The following NTM variants were observed in gnomAD, a reference collection of about 807,000 sequenced individuals.
NTM encodes the protein IgLON family member 2.
NTM carries 13 observed loss-of-function variants against 42.1 expected under a neutral mutation model. That is an observed-to-expected ratio of 0.31 (90% CI 0.20 to 0.49). NTM has a LOEUF of 0.49. NTM is among the 20% of genes least tolerant of loss of function. NTM has a pLI of 0.99. For synonymous variants in NTM, 187 were observed against 179.2 expected, an observed-to-expected ratio of 1.04 and a Z score of -0.35; for missense variants, 373 against 452.8, an observed-to-expected ratio of 0.82 and a Z score of 1.60.
intron 2 of NTM, among the ~76,000 whole-genome samples, chr11:132,025,916 G>A (rs1261063197): frequency 2.0e-5 from 3 of 152,114 alleles, no homozygotes; most frequent in Non-Finnish European, 4.4e-5. Context: ...TTTGCATAAA[G>A]TACAGACAAA....
intron 4 of NTM, among the ~76,000 whole-genome samples, chr11:132,226,299 A>G (rs1283508429): frequency 6.6e-6 from 1 of 152,198 alleles, no homozygotes; most frequent in Non-Finnish European, 1.5e-5. Context: ...TGTCTTGCAC[A>G]ATGGTTGAAC....
intron 2 of NTM, among the ~76,000 whole-genome samples, chr11:132,104,837 C>A (rs2136631980): frequency 6.8e-6 from 1 of 147,964 alleles, no homozygotes; most frequent in African/African-American, 2.5e-5. Flanking sequence ...CCTGAGAGGT[C>A]AAGGCTGCAG....
intron 1 of NTM, among the ~76,000 whole-genome samples, chr11:131,874,855 C>T (rs754212540): frequency 3.4e-4 from 51 of 152,220 alleles, no homozygotes; most frequent in South Asian, 8.3e-4. Context: ...ATTTTCTGTA[C>T]GAGGGATAGG....
chr11:131,540,355 T>C (rs908159398), intron 1 of NTM, among the ~76,000 whole-genome samples: 1 of 151,782 alleles, frequency 6.6e-6, no homozygotes, highest in Admixed American at 6.6e-5. Flanking sequence ...TTAGTAGAGA[T>C]GGGGTTTCAC....
At chr11:131,966,506 A>T (rs910183343) in intron 2 of NTM, among the ~76,000 whole-genome samples, 2 of 152,228 alleles carry the variant, frequency 1.3e-5, no homozygotes, top group Non-Finnish European at 2.9e-5. Flanking sequence ...TATTTAGGTT[A>T]ACCATTATGG....
chr11:132,136,681 A>C (rs144601008), intron 2 of NTM, among the ~76,000 whole-genome samples: 4 of 152,168 alleles, frequency 2.6e-5, no homozygotes, highest in African/African-American at 4.8e-5. Context: ...TGGCAGCTGC[A>C]TGTGGTCTGG....
chr11:131,378,487 G>A (rs1942251336), intron 1 of NTM, among the ~76,000 whole-genome samples: 2 of 152,210 alleles, frequency 1.3e-5, no homozygotes. Flanking sequence ...CATGTAAATG[G>A]TGTGTGTGCG....
chr11:131,939,125 T>C (rs1043252817), intron 2 of NTM, among the ~76,000 whole-genome samples: 2 of 151,994 alleles, frequency 1.3e-5, no homozygotes, highest in Non-Finnish European at 2.9e-5. Context: ...TAAGGAGAAA[T>C]TGTAGCTAGA....
intron 1 of NTM, among the ~76,000 whole-genome samples, chr11:131,762,426 A>G (rs2084356236): frequency 6.6e-6 from 1 of 152,218 alleles, no homozygotes; most frequent in African/African-American, 2.4e-5. Context: ...TTTGAGTTCT[A>G]CATGTTCTTC....
chr11:131,886,838 G>T (rs2050485589), intron 1 of NTM, among the ~76,000 whole-genome samples: 1 of 152,218 alleles, frequency 6.6e-6, no homozygotes, highest in Admixed American at 6.5e-5. Flanking sequence ...AGGGCTTGCT[G>T]GTCTTTATCT....
chr11:131,454,928 A>T (rs1950757648), intron 1 of NTM, among the ~76,000 whole-genome samples: 1 of 152,114 alleles, frequency 6.6e-6, no homozygotes, highest in South Asian at 2.1e-4. Flanking sequence ...GCAAAAGATA[A>T]ACACACAGAG....
At chr11:132,106,087 C>T (rs1177137621) in intron 2 of NTM, among the ~76,000 whole-genome samples, 1 of 152,136 alleles carries the variant, frequency 6.6e-6, no homozygotes, top group Non-Finnish European at 1.5e-5. Flanking sequence ...TAGTGAGGTT[C>T]AATTACTTAC....
chr11:131,608,498 G>A (rs1389240858), intron 1 of NTM, among the ~76,000 whole-genome samples: 2 of 152,000 alleles, frequency 1.3e-5, no homozygotes, highest in African/African-American at 4.8e-5. Flanking sequence ...TTGGAGCTTT[G>A]TCCATGTGAG....
intron 1 of NTM, among the ~76,000 whole-genome samples, chr11:131,830,735 G>A (rs2042716864): frequency 6.6e-6 from 1 of 152,148 alleles, no homozygotes; most frequent in African/African-American, 2.4e-5. Flanking sequence ...TAGGAATAAT[G>A]TTGAATCTGT....
At chr11:131,907,615 G>T (rs2054052244) in intron 1 of NTM, among the ~76,000 whole-genome samples, 1 of 152,170 alleles carries the variant, frequency 6.6e-6, no homozygotes, top group Non-Finnish European at 1.5e-5. Context: ...CAGTATATGT[G>T]TATGCACGAA....
chr11:131,552,417 G>A, intron 1 of NTM, among the ~76,000 whole-genome samples: 1 of 151,986 alleles, frequency 6.6e-6, no homozygotes, highest in East Asian at 1.9e-4. Context: ...AGGGGACCAG[G>A]GCAGGAATGT....
At chr11:132,107,610 T>A (rs139822827) in intron 2 of NTM, among the ~76,000 whole-genome samples, 4,219 of 152,084 alleles carry the variant, frequency 0.028, 80 homozygotes, top group Middle Eastern at 0.11. Flanking sequence ...GGTCAAGTGA[T>A]CCCCCTGCCT....
intron 2 of NTM, among the ~76,000 whole-genome samples, chr11:132,069,804 A>C (rs2057204106): frequency 6.8e-6 from 1 of 147,094 alleles, no homozygotes; most frequent in Admixed American, 6.8e-5. Flanking sequence ...AACACGTCAC[A>C]CAGCCAAAAC....
At chr11:131,912,724 C>A (rs1055601365) in intron 2 of NTM, among the ~76,000 whole-genome samples, 2 of 152,208 alleles carry the variant, frequency 1.3e-5, no homozygotes, top group Non-Finnish European at 2.9e-5. Context: ...GGCAACATGG[C>A]AATATTCCTG....
Sources: allele counts gnomAD v4.1 joint callset (sites outside exome capture counted in the v4.1 genomes callset), GRCh38; gene constraint gnomAD v4.1.1; transcripts MANE v1.5; gene names NCBI Gene and HGNC (gene_info 2026-07-23, HGNC 2026-07-21).